The following PEBP4 variants were observed in gnomAD, a reference collection of about 807,000 sequenced individuals.
PEBP4 encodes the protein phosphatidylethanolamine binding protein 4.
In PEBP4, 22 loss-of-function variants were observed where a neutral mutation model predicts 23.9. The ratio of observed to expected loss-of-function variants is 0.92; its 90% CI spans 0.66 to 1.31. The LOEUF is 1.31. Among genes scored for constraint, PEBP4 ranks in the 40% most tolerant of loss-of-function variants. PEBP4 has a pLI of 0.00. For synonymous variants in PEBP4, 112 were observed against 99.3 expected, an observed-to-expected ratio of 1.13 and a Z score of -0.76; for missense variants, 324 against 281.7, an observed-to-expected ratio of 1.15 and a Z score of -1.07.
intron 3 of PEBP4, among the ~76,000 whole-genome samples, chr8:22,860,377 C>T (rs995043683): frequency 6.6e-6 from 1 of 151,864 alleles, no homozygotes; most frequent in Non-Finnish European, 1.5e-5. Context: ...ACTCATTAAA[C>T]GACTCCCTCT....
intron 2 of PEBP4, among the ~76,000 whole-genome samples, chr8:22,920,600 T>C (rs762402564): frequency 6.6e-6 from 1 of 152,198 alleles, no homozygotes; most frequent in Non-Finnish European, 1.5e-5. Context: ...TCAGAAAGTA[T>C]AATATTAATT....
chr8:22,792,044 A>G (rs1806151017), intron 4 of PEBP4, among the ~76,000 whole-genome samples: 1 of 137,250 alleles, frequency 7.3e-6, no homozygotes, highest in Non-Finnish European at 1.6e-5. Context: ...TTTTTTGTAG[A>G]GACAGGGTCT....
chr8:22,806,704 T>C (rs562923923), intron 4 of PEBP4, among the ~76,000 whole-genome samples: 2 of 151,960 alleles, frequency 1.3e-5, no homozygotes, highest in Admixed American at 6.6e-5. Context: ...AGAAGATTGG[T>C]ACTAATTCAT....
At chr8:22,899,784 T>C (rs17088725) in intron 3 of PEBP4, among the ~76,000 whole-genome samples, 2,464 of 152,310 alleles carry the variant, frequency 0.016, 64 homozygotes, top group African/African-American at 0.055. Context: ...GCTTTTCATT[T>C]TTCAAAGAGC....
chr8:22,800,442 A>T (rs551205742), intron 4 of PEBP4, among the ~76,000 whole-genome samples: 1 of 152,196 alleles, frequency 6.6e-6, no homozygotes, highest in East Asian at 1.9e-4. Flanking sequence ...ACGGTCTACA[A>T]ATCTAGGATG....
At chr8:22,771,261 G>A (rs1805712251) in intron 4 of PEBP4, among the ~76,000 whole-genome samples, 1 of 152,198 alleles carries the variant, frequency 6.6e-6, no homozygotes, top group Non-Finnish European at 1.5e-5. Flanking sequence ...GGCCGAGGTG[G>A]GTGGATCACT....
At chr8:22,724,301 G>C (rs1804580135) in intron 6 of PEBP4, among the ~76,000 whole-genome samples, 2 of 152,166 alleles carry the variant, frequency 1.3e-5, no homozygotes, top group Non-Finnish European at 2.9e-5. Flanking sequence ...GGAGGCTATA[G>C]GGAGTTGGTC....
chr8:22,853,141 T>C (rs1334758476), intron 3 of PEBP4, among the ~76,000 whole-genome samples: 1 of 152,260 alleles, frequency 6.6e-6, no homozygotes, highest in Non-Finnish European at 1.5e-5. Flanking sequence ...GATTTCGGTA[T>C]GCGTAGAACA....
chr8:22,774,730 C>T (rs974015423), intron 4 of PEBP4, among the ~76,000 whole-genome samples: 1 of 152,198 alleles, frequency 6.6e-6, no homozygotes, highest in Non-Finnish European at 1.5e-5. Context: ...CCCAGCCGTC[C>T]CCACCAGGAT....
chr8:22,714,878 T>C (rs1804381856), intron 6 of PEBP4, among the ~76,000 whole-genome samples: 1 of 152,202 alleles, frequency 6.6e-6, no homozygotes, highest in Admixed American at 6.5e-5. Context: ...TAATTTTTAA[T>C]CTGAAACCCA....
At chr8:22,772,974 T>C (rs1348766559) in intron 4 of PEBP4, among the ~76,000 whole-genome samples, 1 of 152,180 alleles carries the variant, frequency 6.6e-6, no homozygotes, top group Non-Finnish European at 1.5e-5. Context: ...GCCCTCTCTT[T>C]AAACTTCAAA....
chr8:22,783,945 C>T (rs1805976806), intron 4 of PEBP4, among the ~76,000 whole-genome samples: 1 of 151,918 alleles, frequency 6.6e-6, no homozygotes, highest in Non-Finnish European at 1.5e-5. Flanking sequence ...ATGCTGTTTT[C>T]AAGCACTTCC....
chr8:22,713,534 A>G lies in PEBP4; in HGVS notation c.520T>C (p.Ser174Pro). The change falls in exon 7 of 7, where the codon TCT becomes CCT. Residue 174 changes from serine to proline, a missense_variant and splice_region_variant. Ser to Pro is a moderately conservative substitution (Grantham distance 74). Coordinates refer to ENST00000256404, the MANE Select transcript of PEBP4 (RefSeq NM_144962.3). ...LLPKENKTRG[S>P]WKMDRFLNRF... ...TTCAGAAATCTGTCCATTTTCCAAGAGCCTGGAAGGACAAACAGACCACAG... is the reference window on the plus strand; with the variant it reads ...TTCAGAAATCTGTCCATTTTCCAAGGGCCTGGAAGGACAAACAGACCACAG... 6.2e-7 allele frequency: 1 copy of G among 1,614,162 alleles called. No individual in the cohort carries two copies.
chr8:22,841,883 G>A (rs188517152), intron 3 of PEBP4, among the ~76,000 whole-genome samples: 89 of 152,336 alleles, frequency 5.8e-4, no homozygotes, highest in Middle Eastern at 3.4e-3. Context: ...GAGAACCATC[G>A]TAGGCCTGCC....
rs1554493708 is a variant in PEBP4 at position 22,878,210 on chromosome 8, T to TGGAGAGGCAGGG, written c.258+41973_258+41974insCCCTGCCTCTCC. 83 of 115,786 alleles carry TGGAGAGGCAGGG rather than the reference T, an allele frequency of 7.2e-4. 2 individuals are homozygous for TGGAGAGGCAGGG. Among genetic ancestry groups the TGGAGAGGCAGGG allele is most frequent in the African/African-American group, 2.5e-3 (77 of 30,834 alleles). 7.2% of individuals were successfully genotyped at this position (115,786 alleles called of 1,614,324 possible). A position where few individuals can be genotyped will look rare whatever the true frequency, so the allele number is the denominator to read the frequency against. On this transcript the variant is annotated intron_variant, in intron 3 of 6. Transcript: ENST00000256404. Reference sequence around the variant, plus strand: ...AGGGAAAGGGGGTGGAGGGTGAGCATGGAGAGGGAGGGGGAGAGGGAGGGA... The same window carrying TGGAGAGGCAGGG: ...AGGGAAAGGGGGTGGAGGGTGAGCATGGAGAGGCAGGGGGAGAGGGAGGGGGAGAGGGAGGGA...
chr8:22,729,529 C>A (rs1563196696), intron 4 of PEBP4, among the ~76,000 whole-genome samples: 2 of 152,222 alleles, frequency 1.3e-5, no homozygotes, highest in Non-Finnish European at 2.9e-5. Flanking sequence ...TGATCTGGAG[C>A]CTTGATGGGG....
At chr8:22,769,644 C>T (rs1353052347) in intron 4 of PEBP4, among the ~76,000 whole-genome samples, 1 of 152,142 alleles carries the variant, frequency 6.6e-6, no homozygotes, top group African/African-American at 2.4e-5. Flanking sequence ...TCTGTCATCT[C>T]CCCATCACCC....
At chr8:22,812,655 C>T (rs74339349) in intron 4 of PEBP4, among the ~76,000 whole-genome samples, 5,696 of 152,306 alleles carry the variant, frequency 0.037, 128 homozygotes, top group South Asian at 0.062. Flanking sequence ...TTAATCCCAT[C>T]TCCTTGGTTT....
chr8:22,860,629 T>A (rs1042317078), intron 3 of PEBP4, among the ~76,000 whole-genome samples: 2 of 152,230 alleles, frequency 1.3e-5, no homozygotes, highest in Admixed American at 1.3e-4. Flanking sequence ...TGCATTCCCA[T>A]CTTTTTTGCC....
Sources: allele counts gnomAD v4.1 joint callset (sites outside exome capture counted in the v4.1 genomes callset), GRCh38; gene constraint gnomAD v4.1.1; transcripts MANE v1.5; gene names NCBI Gene and HGNC (gene_info 2026-07-23, HGNC 2026-07-21).